MGAT4A: variants seen among roughly 807,000 people sequenced by gnomAD.
MGAT4A encodes the protein alpha-1,3-mannosyl-glycoprotein 4-beta-N-acetylglucosaminyltransferase A, also known as N-acetylglucosaminyltransferase IVa.
Under a neutral mutation model 74.1 loss-of-function variants are expected in MGAT4A, and 33 were observed. That is an observed-to-expected ratio of 0.45 (90% CI 0.34 to 0.60). The LOEUF is 0.60. MGAT4A is among the 20% of genes least tolerant of loss of function. MGAT4A has a pLI of 0.02. For synonymous variants in MGAT4A, 198 were observed against 210.4 expected, an observed-to-expected ratio of 0.94 and a Z score of 0.51; for missense variants, 479 against 628.3, an observed-to-expected ratio of 0.76 and a Z score of 2.54.
Position 98,628,432 on chromosome 2 carries a change from T to C in MGAT4A, c.1469-2597A>G, listed in dbSNP as rs140720007. On this transcript the variant is annotated intron_variant, in intron 14 of 15. Transcript: ENST00000393487. ...TTACTTTGGCTGCTGCTATTAACCA[T>C]GATTTAATTAACTCGTGATTGGTAA... 6.8e-4 allele frequency among the ~76,000 whole-genome samples: 104 copies of C among 152,372 alleles called. 1 individual carries two copies. Among genetic ancestry groups the C allele is most frequent in the African/African-American group, 2.4e-3 (98 of 41,580 alleles).
At position 98,636,502 on chromosome 2, in the gene MGAT4A, A is replaced by C; in HGVS notation, c.1401+15T>G. 1 of 1,587,878 alleles carries C rather than the reference A, an allele frequency of 6.3e-7. No homozygotes were observed. Among genetic ancestry groups the C allele is most frequent in the Non-Finnish European group, 8.6e-7 (1 of 1,156,166 alleles). On this transcript the variant is annotated intron_variant, in intron 13 of 15. Coordinates refer to ENST00000393487, the MANE Select transcript of MGAT4A (RefSeq NM_012214.3). ...TTAGTTGTTAGGGAAAGGTAAGAGG[A>C]AATAGCAGTCATACCTTAAAAGGCA...
intron 2 of MGAT4A, among the ~76,000 whole-genome samples, chr2:98,681,129 C>G (rs1472830749): frequency 6.6e-6 from 1 of 152,136 alleles, no homozygotes; most frequent in Non-Finnish European, 1.5e-5. Context: ...ACTACAGGCG[C>G]CCGCCACCAT....
At chr2:98,727,161 T>C (rs1702776793) in intron 1 of MGAT4A, among the ~76,000 whole-genome samples, 2 of 152,212 alleles carry the variant, frequency 1.3e-5, no homozygotes, top group African/African-American at 4.8e-5. Flanking sequence ...CTGCTGTTTA[T>C]CACTGTCATA....
intron 2 of MGAT4A, among the ~76,000 whole-genome samples, chr2:98,714,921 C>T (rs1240639028): frequency 1.4e-5 from 2 of 146,316 alleles, no homozygotes; most frequent in East Asian, 4.1e-4. Context: ...ACCTCTGAGA[C>T]AATTTAAACA....
chr2:98,623,529 T>TTTTTGA lies in MGAT4A; in HGVS notation c.*2031_*2036dup. On this transcript the variant is annotated 3_prime_UTR_variant, in exon 16 of 16. Coordinates refer to ENST00000393487, the MANE Select transcript of MGAT4A (RefSeq NM_012214.3). ...ATTTTATGACAAAAGGTTATTCCTG[T>TTTTTGA]TTTTGAATGAAATTTGCTCATGGGC... 1 of 985,408 alleles carries TTTTTGA rather than the reference T, an allele frequency of 1.0e-6. No individual in the cohort carries two copies. Among genetic ancestry groups the TTTTTGA allele is most frequent in the Non-Finnish European group, 1.2e-6 (1 of 829,928 alleles). The allele number at this position is 985,408 out of a possible 1,614,324, so 61.0% of individuals were successfully genotyped here. A position where few individuals can be genotyped will look rare whatever the true frequency, so the allele number is the denominator to read the frequency against.
At chr2:98,681,696 T>C (rs1176106759) in intron 2 of MGAT4A, among the ~76,000 whole-genome samples, 1 of 152,114 alleles carries the variant, frequency 6.6e-6, no homozygotes, top group African/African-American at 2.4e-5. Context: ...TAGCTCACCC[T>C]TATAATCCCA....
intron 2 of MGAT4A, among the ~76,000 whole-genome samples, chr2:98,711,474 T>C (rs1337677418): frequency 1.3e-5 from 2 of 152,060 alleles, no homozygotes; most frequent in African/African-American, 4.8e-5. Flanking sequence ...AGAATTACTA[T>C]TAACTTTAGG....
intron 4 of MGAT4A, among the ~76,000 whole-genome samples, chr2:98,670,351 T>C (rs1289836873): frequency 6.6e-6 from 1 of 152,190 alleles, no homozygotes; most frequent in East Asian, 1.9e-4. Context: ...AGTACCTCTA[T>C]TATGTACTAG....
At chr2:98,705,602 A>G (rs1702414139) in intron 2 of MGAT4A, among the ~76,000 whole-genome samples, 1 of 152,212 alleles carries the variant, frequency 6.6e-6, no homozygotes, top group African/African-American at 2.4e-5. Context: ...AAGTATCTAT[A>G]GTGGAACAAT....
chr2:98,686,193 C>G (rs1294335995), intron 2 of MGAT4A, among the ~76,000 whole-genome samples: 1 of 152,114 alleles, frequency 6.6e-6, no homozygotes, highest in Non-Finnish European at 1.5e-5. Context: ...CTGAAAATAG[C>G]TGCACCCTTC....
intron 4 of MGAT4A, among the ~76,000 whole-genome samples, chr2:98,669,960 G>C (rs1181775464): frequency 6.6e-6 from 1 of 152,146 alleles, no homozygotes; most frequent in African/African-American, 2.4e-5. Context: ...TGCATGACTG[G>C]TCAACCTTGG....
chr2:98,713,835 A>T (rs1362973211), intron 2 of MGAT4A, among the ~76,000 whole-genome samples: 1 of 152,230 alleles, frequency 6.6e-6, no homozygotes, highest in Non-Finnish European at 1.5e-5. Context: ...AACAGAATAC[A>T]AACAGTAATA....
At chr2:98,700,107 G>A (rs938843419) in intron 2 of MGAT4A, among the ~76,000 whole-genome samples, 4 of 151,926 alleles carry the variant, frequency 2.6e-5, no homozygotes, top group Non-Finnish European at 5.9e-5. Context: ...GAGCAAGTGC[G>A]ATATGATTTT....
At chr2:98,632,071 C>T (rs1701245898) in intron 14 of MGAT4A, among the ~76,000 whole-genome samples, 1 of 151,842 alleles carries the variant, frequency 6.6e-6, no homozygotes, top group South Asian at 2.1e-4. Flanking sequence ...GATTGCACTA[C>T]TGCACTTCAG....
chr2:98,685,229 CCTGT>C (rs1458528593), intron 2 of MGAT4A, among the ~76,000 whole-genome samples: 1 of 142,528 alleles, frequency 7.0e-6, no homozygotes, highest in African/African-American at 2.7e-5. Context: ...AGAGCAAGAC[CCTGT>C]CTCTTAAAAA....
intron 3 of MGAT4A, among the ~76,000 whole-genome samples, chr2:98,676,082 T>C (rs1701973597): frequency 6.6e-6 from 1 of 152,186 alleles, no homozygotes; most frequent in South Asian, 2.1e-4. Flanking sequence ...AAAAACTTGG[T>C]AGTAGAAATA....
chr2:98,645,336 A>G lies in MGAT4A; in HGVS notation c.889+92T>C, dbSNP rs1341505202. 2.1e-5 allele frequency: 20 copies of G among 940,438 alleles called. No individual in the cohort carries two copies. In the East Asian group the frequency reaches 5.2e-4, roughly 24 times the overall value. The allele number at this position is 940,438 out of a possible 1,614,324, so 58.3% of individuals were successfully genotyped here. On this transcript the variant is annotated intron_variant, in intron 9 of 15. Transcript: ENST00000393487. ...AAAACAACCCATTTCCATAGGAAAAAAAGACATCTTTAGGACAAGTAGCTA... is the reference window on the plus strand; with the variant it reads ...AAAACAACCCATTTCCATAGGAAAAGAAGACATCTTTAGGACAAGTAGCTA...
chr2:98,727,142 CA>C (rs1702776345), intron 1 of MGAT4A, among the ~76,000 whole-genome samples: 1 of 152,136 alleles, frequency 6.6e-6, no homozygotes, highest in Admixed American at 6.5e-5. Flanking sequence ...TAAAAGGTTA[CA>C]GTTATAACTG....
intron 2 of MGAT4A, among the ~76,000 whole-genome samples, chr2:98,722,590 G>A (rs1278551684): frequency 6.6e-6 from 1 of 152,114 alleles, no homozygotes; most frequent in Non-Finnish European, 1.5e-5. Flanking sequence ...ATTTCTTTTT[G>A]AGGTGATAAA....
Sources: gnomAD v4.1 joint callset for allele counts (sites outside exome capture counted in the v4.1 genomes callset) on GRCh38, gnomAD v4.1.1 for gene constraint, MANE v1.5 for transcripts, NCBI Gene and HGNC (gene_info 2026-07-23, HGNC 2026-07-21) for gene names.